The following DNAJB4 variants were observed in gnomAD, a reference collection of about 807,000 sequenced individuals.
DNAJB4 encodes DnaJ heat shock protein family (Hsp40) member B4, also known as dnaJ homolog subfamily B member 4.
In DNAJB4, 10 loss-of-function variants were observed where a neutral mutation model predicts 26.6. The ratio of observed to expected loss-of-function variants is 0.38; its 90% CI spans 0.23 to 0.64. The LOEUF is 0.64. Ranked by LOEUF, DNAJB4 falls within the 30% of genes least tolerant of loss-of-function variation. The pLI is 0.58. For synonymous variants in DNAJB4, 136 were observed against 134.8 expected, an observed-to-expected ratio of 1.01 and a Z score of -0.06; for missense variants, 328 against 408.2, an observed-to-expected ratio of 0.80 and a Z score of 1.69.
intron 2 of DNAJB4, 64 bp downstream of exon 2, chr1:78,013,683 T>C: frequency 7.9e-7 from 1 of 1,259,896 alleles, no homozygotes; most frequent in Non-Finnish European, 1.1e-6. Context: ...AGGGAGTGTA[T>C]CTAGATAATA....
intron 2 of DNAJB4, among the ~76,000 whole-genome samples, chr1:78,015,254 A>G (rs1272354525): frequency 1.3e-5 from 2 of 152,202 alleles, no homozygotes; most frequent in African/African-American, 4.8e-5. Flanking sequence ...TCTAAAACAA[A>G]TATATTTCTT....
chr1:77,991,014 G>A (rs1246067043), intron 1 of DNAJB4, among the ~76,000 whole-genome samples: 1 of 152,166 alleles, frequency 6.6e-6, no homozygotes, highest in Non-Finnish European at 1.5e-5. Context: ...ATACAGTGGA[G>A]ATATGGGGGG....
chr1:78,013,700 AT>A, intron 2 of DNAJB4, 81 bp downstream of exon 2: 1 of 1,080,246 alleles, frequency 9.3e-7, no homozygotes, highest in Non-Finnish European at 1.3e-6. Flanking sequence ...AATAGCTAAC[AT>A]TTATTTAATG....
At chr1:77,997,144 T>C (rs1660079811) in intron 1 of DNAJB4, among the ~76,000 whole-genome samples, 1 of 152,116 alleles carries the variant, frequency 6.6e-6, no homozygotes, top group South Asian at 2.1e-4. Flanking sequence ...ATTGAATTAG[T>C]GCTTTTTGAA....
rs1660665257 is a variant in DNAJB4, at chr1:78,017,295, ATATATT to A, written c.*1052_*1057del. 6.6e-6 allele frequency: 1 copy of A among 151,926 alleles called. No individual in the cohort carries two copies. The highest frequency in any genetic ancestry group is 2.4e-5 in the African/African-American group (1 of 41,410). The allele number at this position is 151,926 out of a possible 1,614,324, so 9.4% of individuals were successfully genotyped here. Reference sequence around the variant, plus strand: ...TTTCTTAGGTGTTTTAATTTTTTAAATATATTTATGTTTTAAAAATTTAGTTTTGTT... The same window carrying A: ...TTTCTTAGGTGTTTTAATTTTTTAAATATGTTTTAAAAATTTAGTTTTGTT... On this transcript the variant is annotated 3_prime_UTR_variant, in exon 3 of 3. Coordinates refer to ENST00000370763, the MANE Select transcript of DNAJB4 (RefSeq NM_007034.5).
At chr1:77,994,764 A>G (rs1571430800) in intron 1 of DNAJB4, among the ~76,000 whole-genome samples, 1 of 152,356 alleles carries the variant, frequency 6.6e-6, no homozygotes, top group South Asian at 2.1e-4. Flanking sequence ...GTGTATGTCA[A>G]CTGAGCATGT....
In DNAJB4 at chr1:78,016,729, G is replaced by T. The variant is rs1660651779; in HGVS notation, c.*482G>T. On this transcript the variant is annotated 3_prime_UTR_variant, in exon 3 of 3. Coordinates refer to ENST00000370763, the MANE Select transcript of DNAJB4 (RefSeq NM_007034.5). ...CTTCTGAAATGCTGCTATAGGGCTG[G>T]TATCTGTAAAAGAATATCCTGATGC... 6.5e-6 allele frequency: 1 copy of T among 154,290 alleles called. No individual in the cohort carries two copies. The allele number at this position is 154,290 out of a possible 1,614,324, so 9.6% of individuals were successfully genotyped here. A position where few individuals can be genotyped will look rare whatever the true frequency, so the allele number is the denominator to read the frequency against.
chr1:78,012,982 A>G, intron 1 of DNAJB4, 69 bp from the exon 2 acceptor site: 1 of 1,380,040 alleles, frequency 7.2e-7, no homozygotes. Flanking sequence ...TATTAGCAAT[A>G]CAGTTTTTGA....
chr1:78,016,265 C>A lies in DNAJB4; in HGVS notation c.*18C>A. ...CCTCATAGAATGAAGAACTTTGTTA[C>A]ACATATTTTGATAAGGCACTGAAAA... On this transcript the variant is annotated 3_prime_UTR_variant, in exon 3 of 3. Transcript: ENST00000370763. 6.9e-6 allele frequency: 11 copies of A among 1,597,476 alleles called. No individual in the cohort carries two copies. The highest frequency in any genetic ancestry group is 9.4e-6 in the Non-Finnish European group (11 of 1,167,388).
At chr1:77,993,940 C>T (rs575471822) in intron 1 of DNAJB4, among the ~76,000 whole-genome samples, 324 of 152,170 alleles carry the variant, frequency 2.1e-3, no homozygotes, top group Non-Finnish European at 3.3e-3. Context: ...ATAGGACATA[C>T]GGGCTTATTT....
rs1426023430 is a variant in DNAJB4, at chr1:78,017,293, A to T, written c.*1046A>T. 6.6e-6 allele frequency: 1 copy of T among 151,884 alleles called. No homozygotes were observed. Among genetic ancestry groups the T allele is most frequent in the Non-Finnish European group, 1.5e-5 (1 of 67,890 alleles). The allele number at this position is 151,884 out of a possible 1,614,324, so 9.4% of individuals were successfully genotyped here. A position where few individuals can be genotyped will look rare whatever the true frequency, so the allele number is the denominator to read the frequency against. ...CATTTCTTAGGTGTTTTAATTTTTT[A>T]AATATATTTATGTTTTAAAAATTTA... is the stretch of plus-strand genomic sequence containing the variant. On this transcript the variant is annotated 3_prime_UTR_variant, in exon 3 of 3. Coordinates refer to ENST00000370763, the MANE Select transcript of DNAJB4 (RefSeq NM_007034.5).
intron 2 of DNAJB4, among the ~76,000 whole-genome samples, chr1:78,014,505 A>G (rs372607144): frequency 6.6e-6 from 1 of 152,160 alleles, no homozygotes; most frequent in South Asian, 2.1e-4. Context: ...AACCTCTACC[A>G]TAAAGTCCAA....
chr1:78,016,009 T>C lies in DNAJB4; in HGVS notation c.781-5T>C, dbSNP rs1161782635. 6.2e-7 allele frequency: 1 copy of C among 1,612,172 alleles called. No individual in the cohort carries two copies. Among genetic ancestry groups the C allele is most frequent in the African/African-American group, 1.3e-5 (1 of 74,874 alleles). On this transcript the variant is annotated splice_polypyrimidine_tract_variant and splice_region_variant and intron_variant, in intron 2 of 2. Coordinates refer to ENST00000370763, the MANE Select transcript of DNAJB4 (RefSeq NM_007034.5). ...TTTCATTTTATTTTATTTGGTCCAT[T>C]TTAGGCATTGTGTGGCTGCTCAATT...
At chr1:77,982,999 G>A (rs112647240) in intron 1 of DNAJB4, among the ~76,000 whole-genome samples, 1 of 152,170 alleles carries the variant, frequency 6.6e-6, no homozygotes, top group Non-Finnish European at 1.5e-5. Flanking sequence ...CTGAACCAGC[G>A]TTCAGCATAT....
chr1:78,003,562 A>G (rs1177348986), upstream of DNAJB4, among the ~76,000 whole-genome samples: 1 of 152,180 alleles, frequency 6.6e-6, no homozygotes, highest in Non-Finnish European at 1.5e-5. Context: ...ATTATATTCT[A>G]AACATATATG....
chr1:78,001,507 C>T (rs964174428), upstream of DNAJB4, among the ~76,000 whole-genome samples: 1 of 152,102 alleles, frequency 6.6e-6, no homozygotes, highest in Admixed American at 6.5e-5. Flanking sequence ...AGACTCATGG[C>T]ATTTTATCTT....
intron 1 of DNAJB4, among the ~76,000 whole-genome samples, chr1:77,996,158 T>C (rs1328172179): frequency 6.6e-6 from 1 of 152,146 alleles, no homozygotes; most frequent in African/African-American, 2.4e-5. Context: ...GGAAATGATA[T>C]ATATATTTTT....
intron 1 of DNAJB4, among the ~76,000 whole-genome samples, chr1:77,997,874 A>G (rs1414287204): frequency 6.6e-6 from 1 of 151,344 alleles, no homozygotes; most frequent in Non-Finnish European, 1.5e-5. Flanking sequence ...TGCAACCTCC[A>G]CCTCCCAGGC....
chr1:78,007,598 AAAAG>A (rs1660362930), intron 1 of DNAJB4, among the ~76,000 whole-genome samples: 1 of 152,180 alleles, frequency 6.6e-6, no homozygotes, highest in East Asian at 1.9e-4. Flanking sequence ...GAAAAGGAAA[AAAAG>A]AAAATACAAT....
Sources: gnomAD v4.1 joint callset for allele counts (sites outside exome capture counted in the v4.1 genomes callset) on GRCh38, gnomAD v4.1.1 for gene constraint, MANE v1.5 for transcripts, NCBI Gene and HGNC (gene_info 2026-07-23, HGNC 2026-07-21) for gene names.